Variants in SERTM1 observed in about 807,000 individuals in gnomAD.
SERTM1 encodes the protein serine-rich and transmembrane domain-containing protein 1.
A neutral mutation model predicts 5.5 loss-of-function variants in SERTM1; 1 was observed. That is an observed-to-expected ratio of 0.18 (90% CI 0.06 to 0.86). The LOEUF (loss-of-function observed/expected upper bound fraction) is 0.86, where lower values mean the gene tolerates loss of function less well. SERTM1 is among the 40% of genes least tolerant of loss of function. The pLI is 0.69. For synonymous variants in SERTM1, 52 were observed against 55.1 expected (o/e 0.94, Z 0.25); for missense variants, 91 against 122.4 (o/e 0.74, Z 1.21).
chr13:36,693,659 A>G (rs936686083), intron 1 of SERTM1, among the ~76,000 whole-genome samples: 9 of 152,132 alleles, frequency 5.9e-5, no homozygotes, highest in African/African-American at 2.2e-4. Flanking sequence ...CAACCCCTCC[A>G]AGAATCAGCT....
rs1450317388 is a variant in SERTM1 at position 36,696,538 on chromosome 13, G to A, written c.*1136G>A. ...TAAAAATTGTAGGCACTCAAGTTGT[G>A]TAGCTGCTGGGAGCTTTAGGGATCC... is the stretch of plus-strand genomic sequence containing the variant. On this transcript the variant is annotated 3_prime_UTR_variant, in exon 2 of 2. Transcript: ENST00000315190. 6.0e-6 allele frequency: 1 copy of A among 167,020 alleles called. No homozygotes were observed. The highest frequency in any genetic ancestry group is 1.5e-5 in the Non-Finnish European group (1 of 68,106). The allele number at this position is 167,020 out of a possible 1,614,324, so 10.3% of individuals were successfully genotyped here.
In SERTM1 at chr13:36,677,257, C is replaced by T. The variant is rs1371453366; in HGVS notation, c.-174+3073C>T. On this transcript the variant is annotated intron_variant, in intron 1 of 1. Coordinates refer to ENST00000315190, the MANE Select transcript of SERTM1 (RefSeq NM_203451.3). ...AAAAAAAGATAAAAGATGTCTGAGC[C>T]GTCAAACAGCCGTACACACTTTAAC... Among the ~76,000 whole-genome samples, 5 of 152,074 alleles carry T rather than the reference C, an allele frequency of 3.3e-5. No homozygotes were observed. The East Asian group carries it at 7.7e-4, about 23-fold the overall frequency.
At chr13:36,689,902 T>C (rs1346552699) in intron 1 of SERTM1, among the ~76,000 whole-genome samples, 1 of 152,046 alleles carries the variant, frequency 6.6e-6, no homozygotes, top group African/African-American at 2.4e-5. Flanking sequence ...ACAAAAACCA[T>C]CACTAAGGGA....
chr13:36,679,401 GTTTTTGTTTGT>G (rs909402097), intron 1 of SERTM1, among the ~76,000 whole-genome samples: 7 of 151,944 alleles, frequency 4.6e-5, no homozygotes, highest in African/African-American at 1.7e-4. Context: ...GTTTTGTTTT[GTTTTTGTTTGT>G]TTTTTGTTTT....
intron 1 of SERTM1, among the ~76,000 whole-genome samples, chr13:36,684,334 TA>T (rs2056726670): frequency 6.6e-6 from 1 of 152,094 alleles, no homozygotes; most frequent in African/African-American, 2.4e-5. Context: ...TCTCATTTGC[TA>T]AAAAAGATGA....
At chr13:36,681,178 G>A (rs998213861) in intron 1 of SERTM1, among the ~76,000 whole-genome samples, 3 of 152,168 alleles carry the variant, frequency 2.0e-5, no homozygotes, top group South Asian at 2.1e-4. Context: ...TTACTTATTC[G>A]TCATGAGATA....
chr13:36,675,182 A>G (rs2056661994), intron 1 of SERTM1, among the ~76,000 whole-genome samples: 1 of 151,748 alleles, frequency 6.6e-6, no homozygotes, highest in Admixed American at 6.6e-5. Flanking sequence ...CTCCCTGTTA[A>G]TTTTTCTTCG....
At chr13:36,686,234 G>C (rs1980203) in intron 1 of SERTM1, among the ~76,000 whole-genome samples, 11,433 of 152,226 alleles carry the variant, frequency 0.075, 534 homozygotes, top group East Asian at 0.13. Flanking sequence ...ATGCTTCACT[G>C]CAAGTGTTTG....
In SERTM1 at chr13:36,690,577, A is replaced by G. The variant is rs116783176; in HGVS notation, c.-173-4329A>G. On this transcript the variant is annotated intron_variant, in intron 1 of 1. Coordinates refer to ENST00000315190, the MANE Select transcript of SERTM1 (RefSeq NM_203451.3). The stretch of plus-strand genomic sequence containing the variant: ...GAGAGAGAAAGCATTAAAAGAGAAG[A>G]TAATCATGCAAAGGGTAAAGGAATG... Among the ~76,000 whole-genome samples, 899 of 152,324 alleles carry G rather than the reference A, an allele frequency of 5.9e-3. 11 individuals carry two copies. Among genetic ancestry groups the G allele is most frequent in the African/African-American group, 0.02 (838 of 41,574 alleles).
At chr13:36,686,914 A>C in intron 1 of SERTM1, among the ~76,000 whole-genome samples, 1 of 152,210 alleles carries the variant, frequency 6.6e-6, no homozygotes, top group East Asian at 1.9e-4. Context: ...TAATATGGCC[A>C]AAACTGGATG....
At chr13:36,691,351 C>T (rs2056776925) in intron 1 of SERTM1, among the ~76,000 whole-genome samples, 1 of 152,140 alleles carries the variant, frequency 6.6e-6, no homozygotes. Flanking sequence ...TGACTGGGAA[C>T]CAGAGACCCC....
At chr13:36,675,745 G>A (rs2056665859) in intron 1 of SERTM1, among the ~76,000 whole-genome samples, 1 of 152,162 alleles carries the variant, frequency 6.6e-6, no homozygotes, top group African/African-American at 2.4e-5. Context: ...AGGCTGCCTG[G>A]TCTCAGAGCC....
intron 1 of SERTM1, among the ~76,000 whole-genome samples, chr13:36,688,219 ATT>A (rs948574969): frequency 6.9e-6 from 1 of 144,018 alleles, no homozygotes; most frequent in Admixed American, 7.0e-5. Flanking sequence ...TATTTCATGT[ATT>A]TTTTTTTTTT....
chr13:36,689,968 A>G (rs1176443819), intron 1 of SERTM1, among the ~76,000 whole-genome samples: 1 of 152,194 alleles, frequency 6.6e-6, no homozygotes, highest in Non-Finnish European at 1.5e-5. Context: ...GCTGGAATTG[A>G]TTCTTAAAAT....
chr13:36,687,731 T>C (rs1016761809), intron 1 of SERTM1, among the ~76,000 whole-genome samples: 1 of 151,772 alleles, frequency 6.6e-6, no homozygotes, highest in African/African-American at 2.4e-5. Flanking sequence ...CATCCATTCT[T>C]ATAAATTAAA....
At chr13:36,682,123 C>T (rs986992695) in intron 1 of SERTM1, among the ~76,000 whole-genome samples, 1 of 152,154 alleles carries the variant, frequency 6.6e-6, no homozygotes, top group African/African-American at 2.4e-5. Flanking sequence ...TACACAAGAT[C>T]ATTTATTCAT....
chr13:36,683,196 G>A (rs2056717199), intron 1 of SERTM1, among the ~76,000 whole-genome samples: 1 of 152,130 alleles, frequency 6.6e-6, no homozygotes, highest in South Asian at 2.1e-4. Flanking sequence ...TTATACAGTA[G>A]CAGCTCATCA....
intron 1 of SERTM1, among the ~76,000 whole-genome samples, chr13:36,689,506 AAATAATAATAAT>A (rs3052684): frequency 5.5e-4 from 78 of 142,016 alleles, no homozygotes; most frequent in Middle Eastern, 7.4e-3. Context: ...CTCTGTCTCA[AAATAATAATAAT>A]AATAATAATA....
chr13:36,681,954 CAGTT>C (rs1292641086), intron 1 of SERTM1, among the ~76,000 whole-genome samples: 2 of 152,180 alleles, frequency 1.3e-5, no homozygotes, highest in African/African-American at 2.4e-5. Context: ...TTGAAAGACA[CAGTT>C]GGTTGATTTT....
Sources: allele counts gnomAD v4.1 joint callset (sites outside exome capture counted in the v4.1 genomes callset), GRCh38; gene constraint gnomAD v4.1.1; transcripts MANE v1.5; gene names NCBI Gene and HGNC (gene_info 2026-07-23, HGNC 2026-07-21).